Variants in PPP6R2 observed in about 807,000 individuals in gnomAD.
PPP6R2 encodes the protein serine/threonine-protein phosphatase 6 regulatory subunit 2.
In PPP6R2, 62 loss-of-function variants were observed where a neutral mutation model predicts 100.2. That is an observed-to-expected ratio of 0.62 (90% CI 0.50 to 0.76). The LOEUF is 0.76. PPP6R2 is among the 30% of genes least tolerant of loss of function. The pLI is 0.00. For synonymous variants in PPP6R2, 525 were observed against 514.7 expected (o/e 1.02, Z -0.27); for missense variants, 1,142 against 1,276.3 (o/e 0.89, Z 1.60).
chr22:50,439,630 GC>G (rs1295341549), intron 19 of PPP6R2, 70 bp from the exon 20 acceptor site: 4 of 1,445,620 alleles, frequency 2.8e-6, no homozygotes, highest in Non-Finnish European at 3.7e-6. Flanking sequence ...CGGGGCAGGG[GC>G]GCTGCCTCCC....
chr22:50,389,442 G>A (rs1037991774), intron 2 of PPP6R2, among the ~76,000 whole-genome samples: 1 of 152,124 alleles, frequency 6.6e-6, no homozygotes, highest in Non-Finnish European at 1.5e-5. Flanking sequence ...TATTATGTTA[G>A]TAAATGTTCT....
intron 2 of PPP6R2, among the ~76,000 whole-genome samples, chr22:50,384,769 T>C (rs2053864767): frequency 6.6e-6 from 1 of 152,192 alleles, no homozygotes; most frequent in Middle Eastern, 3.4e-3. Flanking sequence ...AGATGGGGTG[T>C]CACTCTGTTG....
upstream of PPP6R2, among the ~76,000 whole-genome samples, chr22:50,340,593 T>TGTGTGTG (rs1007554885): frequency 8.5e-6 from 1 of 118,340 alleles, no homozygotes; most frequent in East Asian, 2.1e-4. Flanking sequence ...GTGTGGTGTG[T>TGTGTGTG]GTGTGTGGTG....
intron 22 of PPP6R2, among the ~76,000 whole-genome samples, chr22:50,442,195 G>A (rs2065814620): frequency 6.6e-6 from 1 of 152,202 alleles, no homozygotes; most frequent in Admixed American, 6.5e-5. Context: ...CCACAGGTGG[G>A]GCAGGCCTGA....
chr22:50,416,102 A>T lies in PPP6R2; in HGVS notation c.563A>T (p.Glu188Val). The part of the protein sequence containing the change: ...LRQDVLHWLN[E>V]EKVIQRLVEL... The stretch of plus-strand genomic sequence containing the variant: ...CTTTTTCTCTTTCAGTGGCTGAATG[A>T]AGAGAAGGTCATCCAGAGGCTTGTG... Residue 188 changes from glutamate (E) to valine (V), a missense_variant, in exon 6 of 24, where the codon GAA becomes GTA. By Grantham distance (121) the Glu-to-Val change is moderately radical. This residue lies in a region of PPP6R2 where 592 missense variants were observed against 758.9 expected (regional missense o/e 0.78). Coordinates refer to ENST00000612753, the MANE Select transcript of PPP6R2 (RefSeq NM_001242898.2). The T allele has an allele frequency of 6.2e-7, 1 of 1,613,448 alleles. No individual in the cohort carries two copies. Among genetic ancestry groups the T allele is most frequent in the East Asian group, 2.2e-5 (1 of 44,870 alleles).
rs773596783 is a variant in PPP6R2 at position 50,393,936 on chromosome 22, A to G, written c.28A>G (p.Thr10Ala). 1.2e-6 allele frequency: 2 copies of G among 1,614,058 alleles called. No individual in the cohort carries two copies. Among genetic ancestry groups the G allele is most frequent in the African/African-American group, 2.7e-5 (2 of 74,922 alleles). MFWKFDLNT[T>A]SHVDKLLDKE... ...GTTCTGGAAGTTTGACTTGAACACC[A>G]CGTCCCATGTTGACAAGCTGCTGGA... The change falls in exon 3 of 24, where the codon ACG becomes GCG. Residue 10 changes from threonine (T) to alanine (A), a missense_variant. Physicochemically the swap from Thr to Ala is moderately conservative, Grantham distance 58 (BLOSUM62 0). Around this residue, in one of 2 missense-constraint regions of PPP6R2, gnomAD observed 592 missense variants for 758.9 expected, o/e 0.78. Coordinates refer to ENST00000612753, the MANE Select transcript of PPP6R2 (RefSeq NM_001242898.2).
intron 5 of PPP6R2, among the ~76,000 whole-genome samples, chr22:50,415,525 A>C (rs781680005): frequency 6.6e-5 from 10 of 152,240 alleles, no homozygotes; most frequent in Non-Finnish European, 1.2e-4. Context: ...TCACTTCACG[A>C]AGTAGCCACG....
the PPP6R2 span, among the ~76,000 whole-genome samples, chr22:50,332,583 A>G: frequency 2.2e-3 from 327 of 151,140 alleles, 1 homozygote; most frequent in Non-Finnish European, 1.3e-3. Context: ...ACTTTGAATT[A>G]ATTTTTGTGT....
Position 50,423,950 on chromosome 22 carries a change from G to A in PPP6R2, c.1125+336G>A, listed in dbSNP as rs577883764. Among the ~76,000 whole-genome samples the A allele has an allele frequency of 1.5e-4, 23 of 152,346 alleles. No individual in the cohort carries two copies. Among genetic ancestry groups the A allele is most frequent in the Admixed American group, 1.0e-3 (16 of 15,300 alleles). ...CTGAACAACATAGAACTTACACGGT[G>A]GTTATTAGGTATAAAATGGCTAAAA... On this transcript the variant is annotated intron_variant, in intron 10 of 23. Transcript: ENST00000612753. This position sits in a 1 kb window ranked among gnomAD's most constrained non-coding sequence, Gnocchi z 4.8.
At position 50,356,416 on chromosome 22, in the gene PPP6R2, C is replaced by T. The variant is rs558638522; in HGVS notation, c.-148+12866C>T. 1.9e-4 allele frequency among the ~76,000 whole-genome samples: 29 copies of T among 151,570 alleles called. 1 individual carries two copies. Among genetic ancestry groups the T allele is most frequent in the Admixed American group, 1.3e-3 (19 of 15,158 alleles). ...TTCCCAGGCTGAGGTAGTCATCACA[C>T]CTCAGCCTCCCAAGTAGCTGGGACT... On this transcript the variant is annotated intron_variant, in intron 1 of 23. Transcript: ENST00000612753.
chr22:50,339,424 GGTGT>G (rs1336318761), upstream of PPP6R2, among the ~76,000 whole-genome samples: 1 of 141,052 alleles, frequency 7.1e-6, no homozygotes, highest in Non-Finnish European at 1.5e-5. Context: ...TAGGGTGTGT[GGTGT>G]GTGTTTACGG....
chr22:50,386,952 G>C (rs150105050), intron 2 of PPP6R2, among the ~76,000 whole-genome samples: 1 of 152,306 alleles, frequency 6.6e-6, no homozygotes, highest in Non-Finnish European at 1.5e-5. Context: ...CAGGTGGAGG[G>C]TGTGGATCCA....
chr22:50,353,328 T>C (rs990902302), intron 1 of PPP6R2, among the ~76,000 whole-genome samples: 3 of 152,074 alleles, frequency 2.0e-5, no homozygotes, highest in African/African-American at 7.2e-5. Flanking sequence ...CCTAACGTTA[T>C]TACGTTATTA....
intron 1 of PPP6R2, among the ~76,000 whole-genome samples, chr22:50,357,847 A>G (rs2046939405): frequency 6.6e-6 from 1 of 151,962 alleles, no homozygotes; most frequent in African/African-American, 2.4e-5. Context: ...GGTGGTCTTT[A>G]ACTCCTGACC....
At chr22:50,415,501 C>A (rs1173473870) in intron 5 of PPP6R2, among the ~76,000 whole-genome samples, 1 of 152,234 alleles carries the variant, frequency 6.6e-6, no homozygotes, top group Non-Finnish European at 1.5e-5. Flanking sequence ...AGCCTTTTAG[C>A]TGCTTTACTT....
chr22:50,343,716 C>T (rs1308467672), intron 1 of PPP6R2, among the ~76,000 whole-genome samples, 166 bp downstream of exon 1: 1 of 99,252 alleles, frequency 1.0e-5, no homozygotes, highest in Non-Finnish European at 2.0e-5. Flanking sequence ...GTCAGTGCCC[C>T]CCCCAAGTCA....
chr22:50,336,788 C>G, the PPP6R2 span, among the ~76,000 whole-genome samples: 1 of 151,616 alleles, frequency 6.6e-6, no homozygotes, highest in East Asian at 1.9e-4. Flanking sequence ...TTCACTGCAG[C>G]CCCGACCTCC....
chr22:50,346,928 G>A (rs977611541), intron 1 of PPP6R2, among the ~76,000 whole-genome samples: 2 of 149,648 alleles, frequency 1.3e-5, no homozygotes, highest in African/African-American at 5.0e-5. Context: ...TCCCTCCCCT[G>A]CCAGTGCCCT....
intron 1 of PPP6R2, among the ~76,000 whole-genome samples, chr22:50,370,884 G>A (rs572795763): frequency 1.5e-4 from 23 of 152,188 alleles, no homozygotes; most frequent in Admixed American, 1.4e-3. Flanking sequence ...CACCCGCCTC[G>A]GCCTCCCAAA....
Sources: allele counts gnomAD v4.1 joint callset (sites outside exome capture counted in the v4.1 genomes callset), GRCh38; gene constraint gnomAD v4.1.1; regional missense constraint gnomAD v4.1.1; non-coding constraint Gnocchi (gnomAD v3.1); transcripts MANE v1.5; gene names NCBI Gene and HGNC (gene_info 2026-07-23, HGNC 2026-07-21).